Variants in TEX9 observed in about 807,000 individuals in gnomAD.
TEX9 encodes the protein testis expressed 9.
Under a neutral mutation model 59.6 loss-of-function variants are expected in TEX9, and 74 were observed. That is an observed-to-expected ratio of 1.24 (90% CI 1.03 to 1.51). The LOEUF is 1.51. Ranked by LOEUF, TEX9 falls within the 40% of genes most tolerant of loss-of-function variation. TEX9 has a pLI of 0.00. For missense variants in TEX9, 522 were observed against 447.8 expected, an observed-to-expected ratio of 1.17 and a Z score of -1.49; for synonymous variants, 186 against 152.2, an observed-to-expected ratio of 1.22 and a Z score of -1.64.
intron 2 of TEX9, among the ~76,000 whole-genome samples, chr15:56,366,788 C>G (rs1438962673): frequency 6.6e-6 from 1 of 152,140 alleles, no homozygotes; most frequent in Non-Finnish European, 1.5e-5. Flanking sequence ...TACATATGAT[C>G]TATAAGCATA....
At chr15:56,413,701 C>T (rs1020992986) in intron 10 of TEX9, among the ~76,000 whole-genome samples, 2 of 151,464 alleles carry the variant, frequency 1.3e-5, no homozygotes, top group Non-Finnish European at 2.9e-5. Context: ...AAGTGACTCT[C>T]ATAATTAAAA....
At position 56,314,920 on chromosome 15, in the gene TEX9, C is replaced by G. The variant is rs572874011; in HGVS notation, c.-106-58521C>G. Reference sequence around the variant, plus strand: ...CATTATGTAATGGCCTTCTTTGTCTCTTTTGATCTTTGTTGGTTTAAAGTC... The same window carrying G: ...CATTATGTAATGGCCTTCTTTGTCTGTTTTGATCTTTGTTGGTTTAAAGTC... On this transcript the variant is annotated intron_variant, in intron 1 of 5. Transcript: ENST00000560827. Among the ~76,000 whole-genome samples the G allele has an allele frequency of 4.6e-5, 7 of 151,620 alleles. No individual in the cohort carries two copies. The East Asian group carries it at 1.4e-3, about 30-fold the overall frequency.
At chr15:56,424,768 G>C (rs1269542561) in intron 10 of TEX9, among the ~76,000 whole-genome samples, 1 of 152,124 alleles carries the variant, frequency 6.6e-6, no homozygotes, top group Non-Finnish European at 1.5e-5. Context: ...AAAAGTGAAA[G>C]AATGAAAAGT....
intron 1 of TEX9, among the ~76,000 whole-genome samples, chr15:56,320,924 C>G (rs369700457): frequency 6.6e-6 from 1 of 152,286 alleles, no homozygotes; most frequent in East Asian, 1.9e-4. Flanking sequence ...AAAGACAGTA[C>G]ATTTCCACTA....
intron 1 of TEX9, among the ~76,000 whole-genome samples, chr15:56,355,749 T>G (rs1268029431): frequency 3.3e-5 from 5 of 152,094 alleles, no homozygotes; most frequent in Admixed American, 1.3e-4. Flanking sequence ...CTTTGATATT[T>G]TCTGATGATG....
At chr15:56,422,363 C>CT (rs2050022078) in intron 10 of TEX9, among the ~76,000 whole-genome samples, 1 of 150,922 alleles carries the variant, frequency 6.6e-6, no homozygotes, top group Non-Finnish European at 1.5e-5. Context: ...GGGATTAACT[C>CT]TATTAGCTAG....
At chr15:56,323,844 A>G (rs1368225054) in intron 1 of TEX9, 4 of 216,614 alleles carry the variant, frequency 1.8e-5, no homozygotes, top group African/African-American at 9.2e-5. Flanking sequence ...TTGTCTGCAA[A>G]CCATTTAACT....
chr15:56,436,733 G>A (rs2050732504), intron 12 of TEX9, among the ~76,000 whole-genome samples: 1 of 152,058 alleles, frequency 6.6e-6, no homozygotes, highest in African/African-American at 2.4e-5. Flanking sequence ...AAAGAAAAGA[G>A]AGAAGAATCA....
At chr15:56,444,145 T>C (rs1308689581) in intron 12 of TEX9, among the ~76,000 whole-genome samples, 1 of 152,066 alleles carries the variant, frequency 6.6e-6, no homozygotes, top group East Asian at 1.9e-4. Flanking sequence ...TTAAGCTGTC[T>C]ACCAAAAAAA....
At chr15:56,377,141 T>C (rs1481644025) in intron 3 of TEX9, among the ~76,000 whole-genome samples, 1 of 152,212 alleles carries the variant, frequency 6.6e-6, no homozygotes, top group Non-Finnish European at 1.5e-5. Flanking sequence ...AGTACTCAGA[T>C]GTTTTGGTTA....
At chr15:56,260,304 T>A (rs952514069) in intron 1 of TEX9, among the ~76,000 whole-genome samples, 4 of 152,028 alleles carry the variant, frequency 2.6e-5, no homozygotes, top group African/African-American at 9.7e-5. Context: ...TTTGAGTGGT[T>A]TCTGAATTCA....
At chr15:56,421,097 G>A (rs1251827586) in intron 10 of TEX9, among the ~76,000 whole-genome samples, 4 of 151,800 alleles carry the variant, frequency 2.6e-5, no homozygotes, top group Non-Finnish European at 5.9e-5. Context: ...TGTATCTTAT[G>A]TATTTTCTGT....
chr15:56,339,714 G>A (rs1316317021), intron 1 of TEX9, among the ~76,000 whole-genome samples: 1 of 152,072 alleles, frequency 6.6e-6, no homozygotes, highest in African/African-American at 2.4e-5. Flanking sequence ...ACTCCCTAGT[G>A]TGATGGTATT....
intron 1 of TEX9, among the ~76,000 whole-genome samples, chr15:56,277,746 A>G (rs187276607): frequency 3.3e-5 from 5 of 152,388 alleles, no homozygotes; most frequent in South Asian, 2.1e-4. Flanking sequence ...TACATGGCCA[A>G]GGCCAAAAAA....
At chr15:56,407,410 A>G (rs188603053) in intron 9 of TEX9, among the ~76,000 whole-genome samples, 5 of 152,280 alleles carry the variant, frequency 3.3e-5, no homozygotes, top group Admixed American at 1.3e-4. Context: ...ATTTTCTGCT[A>G]CTATTTGAGT....
downstream of TEX9, among the ~76,000 whole-genome samples, chr15:56,450,358 T>G (rs1596265813): frequency 6.6e-6 from 1 of 152,294 alleles, no homozygotes; most frequent in South Asian, 2.1e-4. Context: ...CAACACTATT[T>G]CCAAAACTTT....
rs185527852 is a variant in TEX9, at chr15:56,430,297, T to G, written c.*29+1824T>G. ...TCATGGGTCACTGCAGCTTCAACTTTCCAGGCTCAAGCAATCTTCCAACCT... is the reference window on the plus strand; with the variant it reads ...TCATGGGTCACTGCAGCTTCAACTTGCCAGGCTCAAGCAATCTTCCAACCT... On this transcript the variant is annotated intron_variant, in intron 12 of 12. Coordinates refer to ENST00000352903, the Ensembl canonical transcript of TEX9. Among the ~76,000 whole-genome samples, 165 of 152,270 alleles carry G rather than the reference T, an allele frequency of 1.1e-3. 2 individuals carry two copies. Among genetic ancestry groups the G allele is most frequent in the African/African-American group, 3.7e-3 (154 of 41,564 alleles).
chr15:56,330,905 C>T (rs2046126254), intron 1 of TEX9, among the ~76,000 whole-genome samples: 1 of 151,770 alleles, frequency 6.6e-6, no homozygotes, highest in Non-Finnish European at 1.5e-5. Flanking sequence ...GATCTGTTGC[C>T]TAAAAGAAAC....
At chr15:56,417,224 T>A (rs1466856330) in intron 10 of TEX9, among the ~76,000 whole-genome samples, 1 of 151,890 alleles carries the variant, frequency 6.6e-6, no homozygotes, top group Non-Finnish European at 1.5e-5. Context: ...TTTTGTTATT[T>A]CTCATCTTCT....
Sources: allele counts gnomAD v4.1 joint callset (sites outside exome capture counted in the v4.1 genomes callset), GRCh38; gene constraint gnomAD v4.1.1; transcripts MANE v1.5; gene names NCBI Gene and HGNC (gene_info 2026-07-23, HGNC 2026-07-21).